Variants in ALK observed in about 807,000 individuals in gnomAD.
ALK encodes the protein ALK receptor tyrosine kinase, also known as ALK tyrosine kinase receptor.
Under a neutral mutation model 163.1 loss-of-function variants are expected in ALK, and 74 were observed. The ratio of observed to expected loss-of-function variants is 0.45; its 90% CI spans 0.38 to 0.55. The LOEUF (loss-of-function observed/expected upper bound fraction) is 0.55, where lower values mean the gene tolerates loss of function less well. Among genes scored for constraint, ALK ranks in the 20% least tolerant of loss-of-function variants. The probability of loss-of-function intolerance (pLI) is 0.00; values close to 1 mark genes in which losing one functional copy is unlikely to be tolerated. For missense variants in ALK, 2,063 were observed against 2,105.3 expected, an observed-to-expected ratio of 0.98 and a Z score of 0.39; for synonymous variants, 960 against 843.2, an observed-to-expected ratio of 1.14 and a Z score of -2.40.
chr2:29,719,134 C>G (rs1020487856), intron 1 of ALK, among the ~76,000 whole-genome samples: 6 of 152,236 alleles, frequency 3.9e-5, no homozygotes, highest in African/African-American at 1.4e-4. Context: ...ATTAAAGGCC[C>G]TTGTGCCCTG....
intron 1 of ALK, among the ~76,000 whole-genome samples, 171 bp downstream of exon 1, chr2:29,919,822 A>G (rs985677451): frequency 6.6e-6 from 1 of 152,220 alleles, no homozygotes; most frequent in Non-Finnish European, 1.5e-5. Flanking sequence ...GTTCAGGGAG[A>G]AAACAAGAAA....
chr2:29,320,967 G>T, intron 6 of ALK, 85 bp from the exon 7 acceptor site: 1 of 1,531,942 alleles, frequency 6.5e-7, no homozygotes, highest in South Asian at 1.1e-5. Context: ...AGCCAGGCAT[G>T]ACCAAATTAT....
At chr2:29,452,551 T>C (rs1670849636) in intron 4 of ALK, among the ~76,000 whole-genome samples, 1 of 152,078 alleles carries the variant, frequency 6.6e-6, no homozygotes, top group African/African-American at 2.4e-5. Flanking sequence ...AAGGAAGTGC[T>C]CAAAAACAAT....
chr2:29,673,954 T>C (rs1191648443), intron 3 of ALK, among the ~76,000 whole-genome samples: 1 of 142,728 alleles, frequency 7.0e-6, no homozygotes, highest in African/African-American at 2.7e-5. Flanking sequence ...TGAATGGGAG[T>C]TCACTCATGA....
In ALK at chr2:29,769,784, A is replaced by G. The variant is rs116129330; in HGVS notation, c.668-52087T>C. Among the ~76,000 whole-genome samples, 801 of 152,336 alleles carry G rather than the reference A, an allele frequency of 5.3e-3. 8 individuals carry two copies. The highest frequency in any genetic ancestry group is 0.018 in the African/African-American group (765 of 41,570). ...AAAGGGGGCATTAATGTGCAAGGGT[A>G]AAGAAAATAAGCAAGCAAACAACAG... On this transcript the variant is annotated intron_variant, in intron 1 of 28. Coordinates refer to ENST00000389048, the MANE Select transcript of ALK (RefSeq NM_004304.5).
intron 3 of ALK, among the ~76,000 whole-genome samples, chr2:29,667,568 G>A (rs1430331327): frequency 1.8e-4 from 28 of 151,640 alleles, no homozygotes; most frequent in Admixed American, 1.8e-3. Flanking sequence ...GGAGTCCTCA[G>A]GTTTTTCTAG....
Position 29,898,746 on chromosome 2 carries a change from G to C in ALK, c.667+21247C>G, listed in dbSNP as rs1667335158. On this transcript the variant is annotated intron_variant, in intron 1 of 28. Transcript: ENST00000389048. Reference sequence around the variant, plus strand: ...TTTGGGTGTACCCATTACAAAACAAGGAAGAATGTGATGTTCAGAAAGAGA... The same window carrying C: ...TTTGGGTGTACCCATTACAAAACAACGAAGAATGTGATGTTCAGAAAGAGA... 2.0e-5 allele frequency among the ~76,000 whole-genome samples: 3 copies of C among 152,132 alleles called. No homozygotes were observed. In the South Asian group the frequency reaches 6.2e-4, roughly 32 times the overall value.
intron 3 of ALK, among the ~76,000 whole-genome samples, chr2:29,662,187 C>T (rs947338519): frequency 1.3e-5 from 2 of 152,162 alleles, no homozygotes; most frequent in Non-Finnish European, 2.9e-5. Context: ...GCTAAGATTA[C>T]AGGCATGAGC....
At chr2:29,509,961 C>T (rs1672464467) in intron 4 of ALK, among the ~76,000 whole-genome samples, 1 of 152,154 alleles carries the variant, frequency 6.6e-6, no homozygotes. Context: ...AGAAGAATGA[C>T]CACCCAGTGG....
chr2:29,420,036 AG>A (rs899341345), intron 4 of ALK, among the ~76,000 whole-genome samples: 19 of 150,790 alleles, frequency 1.3e-4, no homozygotes. Context: ...GCCCACCTGT[AG>A]TCCCAGCTAC....
intron 3 of ALK, among the ~76,000 whole-genome samples, chr2:29,656,914 T>G (rs1677201264): frequency 6.6e-6 from 1 of 152,196 alleles, no homozygotes; most frequent in Non-Finnish European, 1.5e-5. Flanking sequence ...CTCAGAACCT[T>G]TTTTCCTGCT....
At chr2:29,477,306 GCTGTGT>G (rs1671551012) in intron 4 of ALK, among the ~76,000 whole-genome samples, 1 of 152,156 alleles carries the variant, frequency 6.6e-6, no homozygotes, top group African/African-American at 2.4e-5. Flanking sequence ...CTATATACCA[GCTGTGT>G]GGTCTGGGAC....
chr2:29,830,713 TAAAAA>T lies in ALK; in HGVS notation c.667+89275_667+89279del, dbSNP rs530774574. On this transcript the variant is annotated intron_variant, in intron 1 of 28. Transcript: ENST00000389048. ...GCAAGACCCTGTCTCTAAAATAGTT[TAAAAA>T]AAAAAAAAAAAAAAAAAAAAAAAAA... is the stretch of plus-strand genomic sequence containing the variant. Among the ~76,000 whole-genome samples the T allele has an allele frequency of 4.7e-3, 136 of 28,956 alleles. 1 individual carries two copies. Among genetic ancestry groups the T allele is most frequent in the East Asian group, 0.02 (9 of 446 alleles). 19.0% of individuals were successfully genotyped at this position (28,956 alleles called of 152,430 possible).
chr2:29,676,932 T>A (rs1677890776), intron 3 of ALK, among the ~76,000 whole-genome samples: 1 of 152,060 alleles, frequency 6.6e-6, no homozygotes, highest in African/African-American at 2.4e-5. Context: ...TTTTGGAAAT[T>A]GTTGTTAGAA....
chr2:29,477,664 C>T (rs987017216), intron 4 of ALK, among the ~76,000 whole-genome samples: 1 of 152,186 alleles, frequency 6.6e-6, no homozygotes, highest in Admixed American at 6.5e-5. Context: ...CTGATAGATC[C>T]TAACCGGCTG....
chr2:29,855,100 G>A (rs1397483014), intron 1 of ALK, among the ~76,000 whole-genome samples: 2 of 152,116 alleles, frequency 1.3e-5, no homozygotes, highest in Non-Finnish European at 2.9e-5. Flanking sequence ...GTCACCAATT[G>A]TAATTCTGGT....
chr2:29,243,255 T>C (rs1262641997), intron 12 of ALK, among the ~76,000 whole-genome samples: 1 of 152,110 alleles, frequency 6.6e-6, no homozygotes, highest in Non-Finnish European at 1.5e-5. Context: ...CTCCTTAAAT[T>C]TTCTGCCCAA....
rs535024598 is a variant in ALK, at chr2:29,360,650, G to T, written c.1282+23082C>A. Reference sequence around the variant, plus strand: ...GGACTCTTATCCTCAAAGAGTTGCAGTCTTAGGGCAGATATGACAGGAGCA... The same window carrying T: ...GGACTCTTATCCTCAAAGAGTTGCATTCTTAGGGCAGATATGACAGGAGCA... On this transcript the variant is annotated intron_variant, in intron 5 of 28. Coordinates refer to ENST00000389048, the MANE Select transcript of ALK (RefSeq NM_004304.5). 7.6e-4 allele frequency among the ~76,000 whole-genome samples: 116 copies of T among 152,276 alleles called. 1 individual carries two copies. The highest frequency in any genetic ancestry group is 1.2e-3 in the Non-Finnish European group (83 of 68,028).
intron 4 of ALK, among the ~76,000 whole-genome samples, chr2:29,443,390 G>T (rs1670593863): frequency 6.6e-6 from 1 of 152,196 alleles, no homozygotes; most frequent in African/African-American, 2.4e-5. Flanking sequence ...GAGGCGGGCT[G>T]GATCTTTAGA....
Sources: allele counts gnomAD v4.1 joint callset (sites outside exome capture counted in the v4.1 genomes callset), GRCh38; gene constraint gnomAD v4.1.1; transcripts MANE v1.5; gene names NCBI Gene and HGNC (gene_info 2026-07-23, HGNC 2026-07-21).